The following MROH2B variants were observed in gnomAD, a reference collection of about 807,000 sequenced individuals.
The protein encoded by MROH2B is maestro heat-like repeat-containing protein family member 2B.
A neutral mutation model predicts 208.6 loss-of-function variants in MROH2B; 177 were observed. The ratio of observed to expected loss-of-function variants is 0.85; its 90% CI spans 0.75 to 0.96. MROH2B has a LOEUF of 0.96. Ranked by LOEUF, MROH2B falls within the 40% of genes least tolerant of loss-of-function variation. The probability of loss-of-function intolerance (pLI) is 0.00; values close to 1 mark genes in which losing one functional copy is unlikely to be tolerated. For synonymous variants in MROH2B, 728 were observed against 659.0 expected (o/e 1.10, Z -1.60); for missense variants, 2,002 against 1,878.7 (o/e 1.07, Z -1.21).
At chr5:41,028,745 T>A (rs1214748741) in intron 24 of MROH2B, among the ~76,000 whole-genome samples, 1 of 152,182 alleles carries the variant, frequency 6.6e-6, no homozygotes, top group Non-Finnish European at 1.5e-5. Context: ...ATATCTGTGC[T>A]ATTGTTAATA....
chr5:41,038,973 A>G (rs1470788969), intron 20 of MROH2B, 85 bp from the exon 21 acceptor site: 1 of 1,233,146 alleles, frequency 8.1e-7, no homozygotes, highest in Non-Finnish European at 1.1e-6. Context: ...CCTGTGGACC[A>G]CTATAGGGGA....
Position 41,033,732 on chromosome 5 carries a change from T to A in MROH2B, c.2241+106A>T, listed in dbSNP as rs1742652113. ...TGTTACATGTTGGAAACCTTTCAAT[T>A]GGAATCAAATCAAAAGGACATCTTT... On this transcript the variant is annotated intron_variant, in intron 22 of 41. Transcript: ENST00000399564. 3 of 906,558 alleles carry A rather than the reference T, an allele frequency of 3.3e-6. 1 individual carries two copies. In the South Asian group the frequency reaches 5.3e-5, roughly 16 times the overall value. 56.2% of individuals were successfully genotyped at this position (906,558 alleles called of 1,614,324 possible). A position where few individuals can be genotyped will look rare whatever the true frequency, so the allele number is the denominator to read the frequency against.
At chr5:41,027,191 A>T (rs1331599406) in intron 24 of MROH2B, among the ~76,000 whole-genome samples, 1 of 152,238 alleles carries the variant, frequency 6.6e-6, no homozygotes, top group African/African-American at 2.4e-5. Flanking sequence ...GACAAATGGG[A>T]TCTAGTTAAA....
At chr5:41,028,489 G>A (rs373378591) in intron 24 of MROH2B, among the ~76,000 whole-genome samples, 1 of 151,948 alleles carries the variant, frequency 6.6e-6, no homozygotes, top group Non-Finnish European at 1.5e-5. Context: ...TAAAACAGTA[G>A]CCACTGTTTT....
Position 41,004,343 on chromosome 5 carries a change from T to C in MROH2B, c.4194+3A>G, listed in dbSNP as rs755765935. The C allele has an allele frequency of 6.2e-7, 1 of 1,612,554 alleles. No individual in the cohort carries two copies. Among genetic ancestry groups the C allele is most frequent in the Non-Finnish European group, 8.5e-7 (1 of 1,179,444 alleles). On this transcript the variant is annotated splice_donor_region_variant and intron_variant, in intron 37 of 41. Coordinates refer to ENST00000399564, the MANE Select transcript of MROH2B (RefSeq NM_173489.5). Reference sequence around the variant, plus strand: ...AGGGAAGTTCCTAAACAGGCTCACTTACATCTTCAAAGAAGGTCCTTGTTT... The same window carrying C: ...AGGGAAGTTCCTAAACAGGCTCACTCACATCTTCAAAGAAGGTCCTTGTTT...
chr5:41,047,690 T>G (rs191098775), intron 17 of MROH2B, 31 bp downstream of exon 17: 1 of 1,571,492 alleles, frequency 6.4e-7, no homozygotes, highest in South Asian at 1.2e-5. Flanking sequence ...ATCATGCCAT[T>G]ATTAAAAATT....
chr5:41,010,456 A>C (rs1040349546), intron 30 of MROH2B, among the ~76,000 whole-genome samples: 2 of 152,192 alleles, frequency 1.3e-5, no homozygotes, highest in African/African-American at 2.4e-5. Flanking sequence ...CATGAGGTGC[A>C]TACAACCGAC....
chr5:41,041,038 A>G (rs112885066), intron 19 of MROH2B, among the ~76,000 whole-genome samples: 509 of 152,282 alleles, frequency 3.3e-3, no homozygotes, highest in Non-Finnish European at 4.6e-3. Context: ...TTTAAAATCA[A>G]CTTACTTTGT....
rs375700758 is a variant in MROH2B, at chr5:41,016,557, C to T, written c.2885-1079G>A. 3.2e-5 allele frequency among the ~76,000 whole-genome samples: 4 copies of T among 124,172 alleles called. No homozygotes were observed. The East Asian group carries it at 9.5e-4, about 30-fold the overall frequency. 81.5% of individuals were successfully genotyped at this position (124,172 alleles called of 152,430 possible). A position where few individuals can be genotyped will look rare whatever the true frequency, so the allele number is the denominator to read the frequency against. On this transcript the variant is annotated intron_variant, in intron 28 of 41. Coordinates refer to ENST00000399564, the MANE Select transcript of MROH2B (RefSeq NM_173489.5). ...TCCCAGGTGTGATCTCGGCTCACTG[C>T]AACCTCTGCCTTCCAGGTTCAAGTG... is the stretch of plus-strand genomic sequence containing the variant.
Position 41,060,364 on chromosome 5 carries a change from G to C in MROH2B, c.615+1206C>G, listed in dbSNP as rs114308658. On this transcript the variant is annotated intron_variant, in intron 6 of 41. Transcript: ENST00000399564. ...AAATCCTTGCTTAAAACCTTTCAAG[G>C]GTTTCTTGTTTATTAAAAAAAAGTC... Among the ~76,000 whole-genome samples the C allele has an allele frequency of 5.7e-3, 870 of 152,060 alleles. 6 individuals are homozygous for C. The highest frequency in any genetic ancestry group is 0.02 in the African/African-American group (830 of 41,482).
intron 37 of MROH2B, among the ~76,000 whole-genome samples, chr5:41,001,728 GA>G (rs765160072): frequency 8.2e-5 from 12 of 147,192 alleles, no homozygotes; most frequent in East Asian, 4.0e-4. Context: ...AAAAAAGAAA[GA>G]AAAAAAAAAG....
intron 24 of MROH2B, among the ~76,000 whole-genome samples, chr5:41,030,396 C>A (rs867206081): frequency 1.3e-5 from 2 of 151,750 alleles, no homozygotes; most frequent in Non-Finnish European, 2.9e-5. Flanking sequence ...AATTAAATAC[C>A]TAGAAATATA....
At chr5:41,031,721 A>G (rs938391173) in intron 24 of MROH2B, among the ~76,000 whole-genome samples, 1 of 151,914 alleles carries the variant, frequency 6.6e-6, no homozygotes, top group African/African-American at 2.4e-5. Context: ...TAGTTTTTAA[A>G]TTCTCACCCT....
intron 41 of MROH2B, among the ~76,000 whole-genome samples, chr5:40,998,390 A>G (rs981300366): frequency 1.3e-5 from 2 of 152,224 alleles, no homozygotes; most frequent in Non-Finnish European, 2.9e-5. Context: ...GGTTTAGGCA[A>G]TTGGAAAATC....
chr5:41,066,045 C>A (rs980211822), intron 3 of MROH2B, among the ~76,000 whole-genome samples: 2 of 152,138 alleles, frequency 1.3e-5, no homozygotes, highest in Non-Finnish European at 2.9e-5. Flanking sequence ...TAGCTGTTTT[C>A]TTGCTGGTTG....
intron 17 of MROH2B, 36 bp from the exon 18 acceptor site, chr5:41,045,889 C>A: frequency 1.4e-6 from 2 of 1,458,370 alleles, no homozygotes; most frequent in Non-Finnish European, 1.9e-6. Context: ...GTGAATATGA[C>A]CGTTTCATGT....
chr5:41,014,837 A>G (rs865863219), intron 29 of MROH2B, among the ~76,000 whole-genome samples: 27 of 152,212 alleles, frequency 1.8e-4, no homozygotes, highest in Middle Eastern at 3.4e-3. Context: ...TATTTTTCTC[A>G]GTTATCATTA....
intron 15 of MROH2B, 106 bp downstream of exon 15, chr5:41,048,995 C>T: frequency 9.0e-7 from 1 of 1,108,360 alleles, no homozygotes. Flanking sequence ...TTTAGTGTTT[C>T]TTTTTGTTTG....
intron 34 of MROH2B, among the ~76,000 whole-genome samples, chr5:41,006,818 A>T (rs965511669): frequency 6.6e-6 from 1 of 152,034 alleles, no homozygotes; most frequent in Non-Finnish European, 1.5e-5. Flanking sequence ...GATACATTGG[A>T]CTTTGGGGGT....
Sources: allele counts gnomAD v4.1 joint callset (sites outside exome capture counted in the v4.1 genomes callset), GRCh38; gene constraint gnomAD v4.1.1; transcripts MANE v1.5; gene names NCBI Gene and HGNC (gene_info 2026-07-23, HGNC 2026-07-21).